SEMA6D: variants seen among roughly 807,000 people sequenced by gnomAD.
SEMA6D encodes semaphorin 6D.
A neutral mutation model predicts 106.6 loss-of-function variants in SEMA6D; 35 were observed. The observed-to-expected ratio is 0.33, with a 90% CI of 0.25 to 0.44. The LOEUF (loss-of-function observed/expected upper bound fraction) is 0.44. Among genes scored for constraint, SEMA6D ranks in the 20% least tolerant of loss-of-function variants. The probability of loss-of-function intolerance (pLI) is 1.00; values close to 1 mark genes in which losing one functional copy is unlikely to be tolerated. For missense variants in SEMA6D, 1,185 were observed against 1,345.9 expected (o/e 0.88, Z 1.87); for synonymous variants, 499 against 487.7 (o/e 1.02, Z -0.31).
chr15:47,662,859 A>G (rs764539598), intron 4 of SEMA6D, among the ~76,000 whole-genome samples: 170 of 115,548 alleles, frequency 1.5e-3, no homozygotes, highest in East Asian at 4.7e-3. Context: ...GTATGAGCGC[A>G]CACACACACA....
rs554125530 is a variant in SEMA6D at position 47,296,926 on chromosome 15, T to C, written c.-239+112508T>C. On this transcript the variant is annotated intron_variant, in intron 1 of 19. Transcript: ENST00000558014. ...TGGAATTCTAAACATCATCTTTACA[T>C]TTCGGTCTGTAAAAAGGAAAATAAA... is the stretch of plus-strand genomic sequence containing the variant. Among the ~76,000 whole-genome samples the C allele has an allele frequency of 3.3e-5, 5 of 152,280 alleles. No individual in the cohort carries two copies. The South Asian group carries it at 1.0e-3, about 32-fold the overall frequency.
At chr15:47,672,440 A>T (rs1188347069) in intron 4 of SEMA6D, among the ~76,000 whole-genome samples, 1 of 152,260 alleles carries the variant, frequency 6.6e-6, no homozygotes, top group African/African-American at 2.4e-5. Flanking sequence ...GAAGTTATAC[A>T]TAAAAGTCAA....
chr15:47,595,845 C>A lies in SEMA6D; in HGVS notation c.-86-5020C>A, dbSNP rs549727224. Among the ~76,000 whole-genome samples the A allele has an allele frequency of 1.5e-4, 23 of 151,872 alleles. No individual in the cohort carries two copies. In the South Asian group the frequency reaches 4.8e-3, roughly 32 times the overall value. ...GGTTTGCCCATTTCTTCTAGTTATC[C>A]AATTTATTGGCATGTTATTCTTAGG... On this transcript the variant is annotated intron_variant, in intron 3 of 19. Transcript: ENST00000558014.
intron 1 of SEMA6D, chr15:47,274,339 C>T (rs1025636219): frequency 3.9e-5 from 6 of 152,076 alleles, no homozygotes; most frequent in Non-Finnish European, 8.8e-5. Flanking sequence ...CTGAAAGAAG[C>T]TTTCATGTCT....
chr15:47,213,977 A>T lies in SEMA6D; in HGVS notation c.-239+29559A>T, dbSNP rs544624549. ...TATGCTCACTTGAATGAGAAAGGTG[A>T]TGTGGAGTTGCGTCTGGCATGCTGG... On this transcript the variant is annotated intron_variant, in intron 1 of 19. Transcript: ENST00000558014. Among the ~76,000 whole-genome samples the T allele has an allele frequency of 1.2e-4, 19 of 152,052 alleles. No homozygotes were observed. The South Asian group carries it at 4.0e-3, about 32-fold the overall frequency.
intron 1 of SEMA6D, among the ~76,000 whole-genome samples, chr15:47,740,392 C>T (rs142779289): frequency 0.016 from 2,377 of 151,918 alleles, 65 homozygotes; most frequent in African/African-American, 0.054. Context: ...TGGTGGCGCG[C>T]GCCTGTAGTC....
intron 4 of SEMA6D, among the ~76,000 whole-genome samples, chr15:47,638,567 A>G (rs2077432596): frequency 6.6e-6 from 1 of 152,228 alleles, no homozygotes; most frequent in Non-Finnish European, 1.5e-5. Flanking sequence ...GAAATGTATA[A>G]TTAATAACAA....
At chr15:47,228,538 G>GA (rs1365252577) in intron 1 of SEMA6D, among the ~76,000 whole-genome samples, 2 of 152,072 alleles carry the variant, frequency 1.3e-5, no homozygotes, top group Non-Finnish European at 2.9e-5. Flanking sequence ...CATATGTAGA[G>GA]AAAAAATAGC....
intron 2 of SEMA6D, among the ~76,000 whole-genome samples, chr15:47,423,092 C>G (rs1047307416): frequency 1.3e-5 from 2 of 151,972 alleles, no homozygotes; most frequent in Non-Finnish European, 2.9e-5. Context: ...CTGTTTCTTC[C>G]GAATGACTCT....
chr15:47,435,658 A>G (rs2041678604), intron 2 of SEMA6D, among the ~76,000 whole-genome samples: 1 of 152,084 alleles, frequency 6.6e-6, no homozygotes, highest in Non-Finnish European at 1.5e-5. Context: ...TTCTGGGTAG[A>G]GGCACTACTG....
chr15:47,685,354 G>A (rs750069853), intron 4 of SEMA6D, among the ~76,000 whole-genome samples: 2 of 152,198 alleles, frequency 1.3e-5, no homozygotes, highest in Admixed American at 1.3e-4. Context: ...AGAGAAGGGG[G>A]ATGAGGCAGA....
intron 2 of SEMA6D, among the ~76,000 whole-genome samples, chr15:47,412,776 G>A (rs2040839440): frequency 6.6e-6 from 1 of 152,170 alleles, no homozygotes; most frequent in Admixed American, 6.5e-5. Context: ...GAAGAGATAT[G>A]ATTATACAGC....
intron 3 of SEMA6D, among the ~76,000 whole-genome samples, chr15:47,484,628 C>A (rs1268896841): frequency 6.6e-6 from 1 of 151,914 alleles, no homozygotes; most frequent in Non-Finnish European, 1.5e-5. Context: ...ATATTTTATC[C>A]CCTAATCAGA....
chr15:47,201,610 G>A (rs1247420767), intron 1 of SEMA6D, among the ~76,000 whole-genome samples: 2 of 152,100 alleles, frequency 1.3e-5, no homozygotes, highest in Non-Finnish European at 2.9e-5. Flanking sequence ...ACCCCCACTA[G>A]AGGATTCTTT....
intron 2 of SEMA6D, among the ~76,000 whole-genome samples, chr15:47,459,115 A>G (rs1181182248): frequency 6.6e-6 from 1 of 152,028 alleles, no homozygotes; most frequent in African/African-American, 2.4e-5. Flanking sequence ...CCCCATCATT[A>G]TGTTGCATTA....
intron 2 of SEMA6D, among the ~76,000 whole-genome samples, chr15:47,417,330 C>G (rs2041000675): frequency 1.3e-5 from 2 of 151,720 alleles, no homozygotes; most frequent in African/African-American, 4.8e-5. Context: ...TCATATCAGG[C>G]AAGAAGATAT....
chr15:47,362,502 C>T (rs1234013096), intron 1 of SEMA6D, among the ~76,000 whole-genome samples: 2 of 152,160 alleles, frequency 1.3e-5, no homozygotes, highest in Non-Finnish European at 2.9e-5. Context: ...CTGGCCTCTC[C>T]GTGTCCCCAT....
chr15:47,447,133 T>G (rs1312991674), intron 2 of SEMA6D, among the ~76,000 whole-genome samples: 3 of 152,110 alleles, frequency 2.0e-5, no homozygotes, highest in Non-Finnish European at 4.4e-5. Flanking sequence ...TCTTCCTGCT[T>G]TGACATCCTG....
In SEMA6D at chr15:47,319,105, C is replaced by T. The variant is rs148782135; in HGVS notation, c.-238-93288C>T. 6.7e-4 allele frequency among the ~76,000 whole-genome samples: 102 copies of T among 152,066 alleles called. 1 individual carries two copies. The East Asian group carries it at 0.011, about 16-fold the overall frequency. ...ATATCCTCAAGCTCAAAGATTGTTTCGTCAGCCATGTCCAGCCTACTAGTA... is the reference window on the plus strand; with the variant it reads ...ATATCCTCAAGCTCAAAGATTGTTTTGTCAGCCATGTCCAGCCTACTAGTA... On this transcript the variant is annotated intron_variant, in intron 1 of 19. Transcript: ENST00000558014.
Sources: gnomAD v4.1 joint callset for allele counts (sites outside exome capture counted in the v4.1 genomes callset) on GRCh38, gnomAD v4.1.1 for gene constraint, MANE v1.5 for transcripts, NCBI Gene and HGNC (gene_info 2026-07-23, HGNC 2026-07-21) for gene names.